Variants in ARID1B observed in about 807,000 individuals in gnomAD.
The protein encoded by ARID1B is AT-rich interactive domain-containing protein 1B.
A neutral mutation model predicts 212.3 loss-of-function variants in ARID1B; 30 were observed. The ratio of observed to expected loss-of-function variants is 0.14; its 90% CI spans 0.11 to 0.19. The LOEUF is 0.19. Among genes scored for constraint, ARID1B ranks in the 10% least tolerant of loss-of-function variants. ARID1B has a pLI of 1.00. For missense variants in ARID1B, 2,891 were observed against 3,204.0 expected, an observed-to-expected ratio of 0.90 and a Z score of 2.36; for synonymous variants, 1,402 against 1,301.7, an observed-to-expected ratio of 1.08 and a Z score of -1.66.
chr6:157,002,589 C>T (rs545888162), intron 4 of ARID1B, among the ~76,000 whole-genome samples: 1 of 152,212 alleles, frequency 6.6e-6, no homozygotes, highest in Non-Finnish European at 1.5e-5. Flanking sequence ...GGTTGTGATA[C>T]ATTTGTCCTT....
intron 3 of ARID1B, among the ~76,000 whole-genome samples, chr6:156,907,129 G>C (rs2128220573): frequency 6.6e-6 from 1 of 152,214 alleles, no homozygotes; most frequent in Middle Eastern, 3.4e-3. Flanking sequence ...TGCATTCTTT[G>C]AAACGGCTGG....
At chr6:156,999,103 G>T (rs893132415) in intron 4 of ARID1B, among the ~76,000 whole-genome samples, 1 of 152,178 alleles carries the variant, frequency 6.6e-6, no homozygotes, top group Non-Finnish European at 1.5e-5. Flanking sequence ...TGGCTGTGGC[G>T]GTGCTGCAGT....
chr6:156,876,431 C>T (rs895677025), intron 2 of ARID1B, among the ~76,000 whole-genome samples: 27 of 152,168 alleles, frequency 1.8e-4, no homozygotes, highest in African/African-American at 5.8e-4. Flanking sequence ...CCCTGGACCA[C>T]GGCCCACTCA....
chr6:157,087,819 C>G (rs1457837742), intron 5 of ARID1B, among the ~76,000 whole-genome samples: 1 of 148,514 alleles, frequency 6.7e-6, no homozygotes, highest in Admixed American at 6.7e-5. Context: ...AAAAAAAAGT[C>G]CACGTTCCTC....
intron 2 of ARID1B, among the ~76,000 whole-genome samples, chr6:156,872,548 T>A (rs1422298063): frequency 6.6e-6 from 1 of 152,156 alleles, no homozygotes; most frequent in African/African-American, 2.4e-5. Context: ...GTTGAACTCC[T>A]GACCTCAGGT....
At chr6:157,038,764 A>G (rs1312397787) in intron 4 of ARID1B, among the ~76,000 whole-genome samples, 1 of 152,254 alleles carries the variant, frequency 6.6e-6, no homozygotes, top group Admixed American at 6.5e-5. Context: ...TTAGGAGCTC[A>G]TTTTCATAAT....
At chr6:157,183,951 T>C (rs1792764477) in intron 12 of ARID1B, among the ~76,000 whole-genome samples, 1 of 152,202 alleles carries the variant, frequency 6.6e-6, no homozygotes, top group South Asian at 2.1e-4. Flanking sequence ...AGATGCCCTT[T>C]TTCCTTAATT....
At chr6:156,785,351 A>G (rs543132151) in intron 1 of ARID1B, among the ~76,000 whole-genome samples, 1 of 152,280 alleles carries the variant, frequency 6.6e-6, no homozygotes, top group African/African-American at 2.4e-5. Context: ...TGCACTTCTC[A>G]GTGTCTTCCT....
chr6:156,859,624 T>TATGTATAAATTAAA (rs1785184451), intron 2 of ARID1B, among the ~76,000 whole-genome samples: 1 of 152,246 alleles, frequency 6.6e-6, no homozygotes, highest in African/African-American at 2.4e-5. Context: ...TACACCAGCC[T>TATGTATAAATTAAA]TTTATACAGA....
intron 8 of ARID1B, chr6:157,149,214 T>C (rs1413322331): frequency 4.3e-6 from 2 of 465,566 alleles, no homozygotes; most frequent in Non-Finnish European, 7.8e-6. Context: ...TGCCTGTGAA[T>C]AGTCATTGCA....
chr6:157,021,828 G>A lies in ARID1B; in HGVS notation c.2248-62834G>A, dbSNP rs574143884. On this transcript the variant is annotated intron_variant, in intron 4 of 19. Transcript: ENST00000636930. Reference sequence around the variant, plus strand: ...ACACAGCTTCGCGTACACATGAGCCGGCGCGGCCAGACTCACGCAGGCACC... The same window carrying A: ...ACACAGCTTCGCGTACACATGAGCCAGCGCGGCCAGACTCACGCAGGCACC... Among the ~76,000 whole-genome samples, 480 of 152,140 alleles carry A rather than the reference G, an allele frequency of 3.2e-3. 1 individual carries two copies. The highest frequency in any genetic ancestry group is 5.2e-3 in the Non-Finnish European group (351 of 67,974).
chr6:157,114,673 G>T (rs764464744), intron 6 of ARID1B, among the ~76,000 whole-genome samples: 1 of 151,492 alleles, frequency 6.6e-6, no homozygotes, highest in Non-Finnish European at 1.5e-5. Flanking sequence ...TAATAAATAA[G>T]ATTCTGATAA....
intron 4 of ARID1B, among the ~76,000 whole-genome samples, chr6:157,010,669 T>C (rs1779549925): frequency 6.6e-6 from 1 of 151,982 alleles, no homozygotes; most frequent in East Asian, 1.9e-4. Context: ...GTTGTTGTTT[T>C]TAACTGTTCT....
chr6:156,989,940 C>T (rs1360364957), intron 4 of ARID1B, among the ~76,000 whole-genome samples: 1 of 152,056 alleles, frequency 6.6e-6, no homozygotes, highest in South Asian at 2.1e-4. Flanking sequence ...TGGTTGATAC[C>T]TTTGATATAA....
intron 16 of ARID1B, among the ~76,000 whole-genome samples, chr6:157,197,751 C>T (rs1793827203): frequency 6.6e-6 from 1 of 152,156 alleles, no homozygotes; most frequent in Non-Finnish European, 1.5e-5. Context: ...ATTAGAAGAA[C>T]AATTATCTGG....
chr6:156,995,183 C>T (rs1429641397), intron 4 of ARID1B, among the ~76,000 whole-genome samples: 2 of 152,194 alleles, frequency 1.3e-5, no homozygotes, highest in African/African-American at 4.8e-5. Flanking sequence ...TGAAGACAGA[C>T]GGTAGGAAGC....
intron 6 of ARID1B, among the ~76,000 whole-genome samples, chr6:157,130,222 G>T (rs529552096): frequency 9.2e-5 from 14 of 151,908 alleles, no homozygotes; most frequent in Non-Finnish European, 1.9e-4. Context: ...CCTTTGGCAT[G>T]GACACCTTCA....
intron 4 of ARID1B, among the ~76,000 whole-genome samples, chr6:157,027,176 T>G (rs1201872057): frequency 6.6e-6 from 1 of 151,192 alleles, no homozygotes; most frequent in African/African-American, 2.5e-5. Flanking sequence ...GCTTCAAACT[T>G]ATTAGTTTAC....
At chr6:157,171,912 C>T (rs1157505501) in intron 9 of ARID1B, among the ~76,000 whole-genome samples, 2 of 152,222 alleles carry the variant, frequency 1.3e-5, no homozygotes, top group Non-Finnish European at 2.9e-5. Flanking sequence ...TAGAATCTTA[C>T]TATTCCTGCC....
Sources: gnomAD v4.1 joint callset for allele counts (sites outside exome capture counted in the v4.1 genomes callset) on GRCh38, gnomAD v4.1.1 for gene constraint, MANE v1.5 for transcripts, NCBI Gene and HGNC (gene_info 2026-07-23, HGNC 2026-07-21) for gene names.